Variants in STAU2 observed in about 807,000 individuals in gnomAD.
STAU2 encodes staufen double-stranded RNA binding protein 2, also known as double-stranded RNA-binding protein Staufen homolog 2.
STAU2 carries 20 observed loss-of-function variants against 65.9 expected under a neutral mutation model. The observed-to-expected ratio is 0.30, with a 90% CI of 0.21 to 0.44. The LOEUF (loss-of-function observed/expected upper bound fraction) is 0.44, where lower values mean the gene tolerates loss of function less well. STAU2 is among the 20% of genes least tolerant of loss of function. The pLI, the probability that STAU2 is intolerant of heterozygous loss-of-function variation, is 1.00. For missense variants in STAU2, 558 were observed against 683.9 expected (o/e 0.82, Z 2.05); for synonymous variants, 232 against 233.9 (o/e 0.99, Z 0.07).
intron 3 of STAU2, among the ~76,000 whole-genome samples, chr8:73,722,637 C>T (rs1346060881): frequency 6.6e-6 from 1 of 152,138 alleles, no homozygotes; most frequent in Non-Finnish European, 1.5e-5. Flanking sequence ...CTTTATCTTT[C>T]TTCCTCTACA....
chr8:73,480,705 C>T (rs1481922722), intron 13 of STAU2, among the ~76,000 whole-genome samples: 1 of 152,124 alleles, frequency 6.6e-6, no homozygotes, highest in Admixed American at 6.6e-5. Flanking sequence ...AATCAGTTTG[C>T]TTCTTTTAAG....
intron 11 of STAU2, among the ~76,000 whole-genome samples, chr8:73,593,485 C>CAA (rs1372805015): frequency 6.6e-6 from 1 of 152,158 alleles, no homozygotes; most frequent in East Asian, 1.9e-4. Flanking sequence ...TAAAATCAGT[C>CAA]ATTTTAAGTG....
At chr8:73,616,765 T>C (rs1302733736) in intron 7 of STAU2, among the ~76,000 whole-genome samples, 1 of 151,526 alleles carries the variant, frequency 6.6e-6, no homozygotes, top group Non-Finnish European at 1.5e-5. Flanking sequence ...GCCACTGCAT[T>C]CCAGCCTGGG....
chr8:73,492,420 A>C (rs1304540340), intron 13 of STAU2, among the ~76,000 whole-genome samples: 1 of 151,886 alleles, frequency 6.6e-6, no homozygotes, highest in Admixed American at 6.6e-5. Context: ...ATTACCAGCC[A>C]ATGCTAAAAT....
Position 73,686,290 on chromosome 8 carries a change from C to T in STAU2, c.274+2364G>A, listed in dbSNP as rs527367010. On this transcript the variant is annotated intron_variant, in intron 5 of 14. Transcript: ENST00000524300. ...ATTAGGCCAGGCACAGTGGCTCACACCTGTAATCCCAGCACTTTGGGAGGC... is the reference window on the plus strand; with the variant it reads ...ATTAGGCCAGGCACAGTGGCTCACATCTGTAATCCCAGCACTTTGGGAGGC... Among the ~76,000 whole-genome samples the T allele has an allele frequency of 2.5e-4, 38 of 152,228 alleles. 2 individuals are homozygous for T. The highest frequency in any genetic ancestry group is 8.9e-4 in the African/African-American group (37 of 41,552).
At chr8:73,512,426 C>T (rs1415542648) in intron 13 of STAU2, among the ~76,000 whole-genome samples, 1 of 152,102 alleles carries the variant, frequency 6.6e-6, no homozygotes, top group Non-Finnish European at 1.5e-5. Context: ...TTTCTTTTAG[C>T]AATATTTTAT....
chr8:73,608,299 A>T (rs1170547587), intron 9 of STAU2, among the ~76,000 whole-genome samples: 1 of 152,106 alleles, frequency 6.6e-6, no homozygotes, highest in South Asian at 2.1e-4. Flanking sequence ...AAAAAAAGGA[A>T]CCAACTTAAA....
chr8:73,745,193 A>C (rs1271604143), intron 1 of STAU2, among the ~76,000 whole-genome samples: 1 of 152,272 alleles, frequency 6.6e-6, no homozygotes, highest in Non-Finnish European at 1.5e-5. Flanking sequence ...TCGCAAATTT[A>C]ATACAGGCCT....
chr8:73,575,759 T>C (rs769978204), intron 12 of STAU2, among the ~76,000 whole-genome samples: 12 of 151,906 alleles, frequency 7.9e-5, no homozygotes, highest in Non-Finnish European at 1.6e-4. Context: ...GTGTATAAAA[T>C]GTATATACAT....
At chr8:73,676,557 A>T (rs1818040513) in intron 5 of STAU2, among the ~76,000 whole-genome samples, 1 of 152,180 alleles carries the variant, frequency 6.6e-6, no homozygotes. Flanking sequence ...GAAAAGACTA[A>T]TAAATTAGCT....
At chr8:73,576,434 T>C (rs140644671) in intron 12 of STAU2, among the ~76,000 whole-genome samples, 1 of 151,804 alleles carries the variant, frequency 6.6e-6, no homozygotes, top group Non-Finnish European at 1.5e-5. Context: ...ATTAAATAAG[T>C]ACTGATAAGG....
At chr8:73,538,472 A>G (rs1052890157) in intron 13 of STAU2, among the ~76,000 whole-genome samples, 46 of 152,096 alleles carry the variant, frequency 3.0e-4, no homozygotes, top group African/African-American at 1.1e-3. Context: ...GTCTTCAATC[A>G]ATGAAAGAAG....
chr8:73,689,041 C>T (rs1819141324), intron 4 of STAU2, among the ~76,000 whole-genome samples: 1 of 152,172 alleles, frequency 6.6e-6, no homozygotes, highest in Non-Finnish European at 1.5e-5. Context: ...TCTAGGTGTA[C>T]ATTCTGGGTA....
chr8:73,472,353 G>A (rs1820082233), intron 13 of STAU2, among the ~76,000 whole-genome samples: 1 of 152,124 alleles, frequency 6.6e-6, no homozygotes, highest in Admixed American at 6.5e-5. Flanking sequence ...AACAGAACTG[G>A]GGAAGGATAT....
At chr8:73,552,816 A>C (rs751020589) in intron 12 of STAU2, among the ~76,000 whole-genome samples, 17 of 152,190 alleles carry the variant, frequency 1.1e-4, no homozygotes, top group Non-Finnish European at 1.2e-4. Context: ...CTCCACAAGG[A>C]TGTCCCACAG....
intron 13 of STAU2, among the ~76,000 whole-genome samples, chr8:73,442,783 C>T (rs4389931): frequency 0.44 from 66,894 of 152,048 alleles, 15,131 homozygotes; most frequent in Admixed American, 0.57. Context: ...TCTTAAGTTG[C>T]GTGCATGACA....
intron 4 of STAU2, among the ~76,000 whole-genome samples, chr8:73,699,213 T>C (rs1302386900): frequency 6.6e-6 from 1 of 150,994 alleles, no homozygotes; most frequent in Non-Finnish European, 1.5e-5. Context: ...CACACCTACA[T>C]CAAAAAAGTG....
In STAU2 at chr8:73,733,312, C is replaced by T. The variant is rs558943609; in HGVS notation, c.-18+4972G>A. Among the ~76,000 whole-genome samples the T allele has an allele frequency of 5.3e-5, 8 of 152,308 alleles. No individual in the cohort carries two copies. The East Asian group carries it at 1.5e-3, about 29-fold the overall frequency. The stretch of plus-strand genomic sequence containing the variant: ...TAGACTTTTCCAATTCCTTAGGACA[C>T]ACTGACCTGTCAAGCCTACCTCACC... On this transcript the variant is annotated intron_variant, in intron 3 of 14. Transcript: ENST00000524300.
chr8:73,581,841 T>G (rs1202770139), intron 12 of STAU2, among the ~76,000 whole-genome samples: 1 of 152,218 alleles, frequency 6.6e-6, no homozygotes, highest in Non-Finnish European at 1.5e-5. Context: ...TTGATAAGAA[T>G]TTGTTACTAA....
Sources: gnomAD v4.1 joint callset for allele counts (sites outside exome capture counted in the v4.1 genomes callset) on GRCh38, gnomAD v4.1.1 for gene constraint, MANE v1.5 for transcripts, NCBI Gene and HGNC (gene_info 2026-07-23, HGNC 2026-07-21) for gene names.